Variants in C9orf50 observed in about 807,000 individuals in gnomAD.
C9orf50 encodes uncharacterized protein C9orf50.
C9orf50 carries 33 observed loss-of-function variants against 42.5 expected under a neutral mutation model. The observed-to-expected ratio is 0.78, with a 90% CI of 0.59 to 1.04. C9orf50 has a LOEUF of 1.04. C9orf50 is among the 50% of genes least tolerant of loss of function. The pLI is 0.00. For missense variants in C9orf50, 547 were observed against 594.3 expected (o/e 0.92, Z 0.83); for synonymous variants, 257 against 273.4 (o/e 0.94, Z 0.59).
At chr9:129,612,677 A>G (rs963757672) in intron 6 of C9orf50, among the ~76,000 whole-genome samples, 3 of 152,250 alleles carry the variant, frequency 2.0e-5, no homozygotes, top group Admixed American at 2.0e-4. Flanking sequence ...CAGGAGTTCA[A>G]GACCAGCCTG....
chr9:129,618,623 G>A (rs968916697), intron 3 of C9orf50, among the ~76,000 whole-genome samples: 1 of 146,760 alleles, frequency 6.8e-6, no homozygotes, highest in Non-Finnish European at 1.5e-5. Flanking sequence ...TTTGTAGATG[G>A]TTGGTCATTG....
exon 3 of C9orf50, chr9:129,619,576 A>T: frequency 6.2e-7 from 1 of 1,614,106 alleles, no homozygotes; most frequent in South Asian, 1.1e-5. Context: ...GGGGCCCCAG[A>T]ATAGGTGTCT....
intron 3 of C9orf50, among the ~76,000 whole-genome samples, chr9:129,616,469 G>A (rs575188782): frequency 4.6e-5 from 7 of 152,070 alleles, no homozygotes; most frequent in African/African-American, 2.4e-5. Flanking sequence ...ACCCCCCTTC[G>A]CCTTCCTAAG....
rs1830263153 is a variant in C9orf50, at chr9:129,614,677, G to T, written c.880+807C>A. Among the ~76,000 whole-genome samples the T allele has an allele frequency of 6.6e-6, 1 of 152,174 alleles. No individual in the cohort carries two copies. Among genetic ancestry groups the T allele is most frequent in the African/African-American group, 2.4e-5 (1 of 41,436 alleles). ...CCAGCACTTTGGGAGGCAGAGGCAGGTGGATCCCTGAGGTCAGGAGTTCGA... is the reference window on the plus strand; with the variant it reads ...CCAGCACTTTGGGAGGCAGAGGCAGTTGGATCCCTGAGGTCAGGAGTTCGA... On this transcript the variant is annotated intron_variant, in intron 4 of 6. Coordinates refer to ENST00000372478, the Ensembl canonical transcript of C9orf50. This position sits in a 1 kb window ranked among gnomAD's most constrained non-coding sequence, Gnocchi z 4.4.
chr9:129,612,546 G>A (rs1830142731), intron 6 of C9orf50, 92 bp from the exon 7 acceptor site: 1 of 938,790 alleles, frequency 1.1e-6, no homozygotes, highest in South Asian at 1.4e-5. Flanking sequence ...AGCCCTGTTG[G>A]GCAGGTAGTG....
intron 1 of C9orf50, 81 bp from the exon 2 acceptor site, chr9:129,619,911 C>A: frequency 1.3e-6 from 2 of 1,527,056 alleles, no homozygotes; most frequent in Admixed American, 1.7e-5. Flanking sequence ...TGATGGCAGA[C>A]CAGCCCTCAA....
upstream of C9orf50, among the ~76,000 whole-genome samples, chr9:129,621,288 C>T (rs888888912): frequency 6.6e-6 from 1 of 152,186 alleles, no homozygotes; most frequent in Non-Finnish European, 1.5e-5. Context: ...TGACTTACCC[C>T]CAGCCCCCAT....
In C9orf50 at chr9:129,613,177, T is replaced by C. The variant is rs772371111; in HGVS notation, c.1118A>G (p.Lys373Arg). Residue 373 changes from lysine to arginine, a missense_variant, in exon 6 of 7, where the codon AAG (lysine) becomes AGG (arginine). Coordinates refer to ENST00000372478, the Ensembl canonical transcript of C9orf50. This position sits in a 1 kb window ranked among gnomAD's most constrained non-coding sequence, Gnocchi z 6.2. ...TCGCGGCCTCTGAGCAGCGGCCTTC[T>C]TCCATGAACAGAAGGGCAGGCTGCT... The C allele has an allele frequency of 6.2e-7, 1 of 1,613,716 alleles. No homozygotes were observed. Among genetic ancestry groups the C allele is most frequent in the Admixed American group, 1.7e-5 (1 of 60,012 alleles).
rs1264614922 is a variant in C9orf50, at chr9:129,613,362, G to A, written c.1043+73C>T. On this transcript the variant is annotated intron_variant, in intron 5 of 6. Transcript: ENST00000372478. The surrounding 1 kb of genome is among the most constrained non-coding windows in gnomAD (Gnocchi z 6.2). ...GGCAACCCGCCTGCTGCTGGGTGGG[G>A]AGGTCTGTAGGCAAGGGGGGTGGAG... 8 of 1,583,030 alleles carry A rather than the reference G, an allele frequency of 5.1e-6. No homozygotes were observed. The highest frequency in any genetic ancestry group is 1.3e-5 in the African/African-American group (1 of 74,186).
intron 3 of C9orf50, among the ~76,000 whole-genome samples, chr9:129,618,717 G>T (rs1206526744): frequency 1.3e-5 from 2 of 151,634 alleles, no homozygotes; most frequent in Non-Finnish European, 2.9e-5. Flanking sequence ...ATTTGAGATG[G>T]AGTCTCACTC....
At chr9:129,616,600 C>T (rs1166204230) in intron 3 of C9orf50, among the ~76,000 whole-genome samples, 2 of 152,170 alleles carry the variant, frequency 1.3e-5, no homozygotes, top group East Asian at 3.8e-4. Flanking sequence ...GTCTCCAAGT[C>T]TCCATTCTGC....
In C9orf50 at chr9:129,613,087, G is replaced by A; in HGVS notation, c.1188+20C>T. 3.1e-6 allele frequency: 5 copies of A among 1,613,392 alleles called. No individual in the cohort carries two copies. Among genetic ancestry groups the A allele is most frequent in the Non-Finnish European group, 4.2e-6 (5 of 1,179,982 alleles). On this transcript the variant is annotated intron_variant, in intron 6 of 6. Coordinates refer to ENST00000372478, the Ensembl canonical transcript of C9orf50. This position sits in a 1 kb window ranked among gnomAD's most constrained non-coding sequence, Gnocchi z 6.2. ...GGGGCTCACCAGCTTCTAGGTCCAG[G>A]AGCAAGACCATTTGCCCACCTGCTC...
chr9:129,617,298 G>C (rs1830439868), intron 3 of C9orf50, among the ~76,000 whole-genome samples: 1 of 152,194 alleles, frequency 6.6e-6, no homozygotes, highest in Non-Finnish European at 1.5e-5. Context: ...ACAGTGCCTG[G>C]CTACATGCCT....
At chr9:129,618,038 A>G (rs532735845) in intron 3 of C9orf50, among the ~76,000 whole-genome samples, 1 of 152,250 alleles carries the variant, frequency 6.6e-6, no homozygotes, top group Admixed American at 6.5e-5. Context: ...TACCTAGAGT[A>G]CTGTGTGAGG....
In C9orf50 at chr9:129,620,672, C is replaced by T. The variant is rs905773644; in HGVS notation, c.-98G>A. 3 of 1,144,366 alleles carry T rather than the reference C, an allele frequency of 2.6e-6. No individual in the cohort carries two copies. The highest frequency in any genetic ancestry group is 4.1e-5 in the Admixed American group (1 of 24,276). The allele number at this position is 1,144,366 out of a possible 1,614,324, so 70.9% of individuals were successfully genotyped here. A position where few individuals can be genotyped will look rare whatever the true frequency, so the allele number is the denominator to read the frequency against. ...CATAGTCCAGCCCCAGGCCATAGTG[C>T]CCCGGGCGGGGCAGCGCGGTGCGGG... On this transcript the variant is annotated 5_prime_UTR_variant, in exon 1 of 7. Coordinates refer to ENST00000372478, the Ensembl canonical transcript of C9orf50. This position sits in a 1 kb window ranked among gnomAD's most constrained non-coding sequence, Gnocchi z 5.8.
At chr9:129,612,386 G>A (rs1047724161) in exon 7 of C9orf50, 2 of 1,613,484 alleles carry the variant, frequency 1.2e-6, no homozygotes, top group African/African-American at 1.3e-5. Context: ...AGGCCAGGAG[G>A]AGATGGTACC....
At position 129,613,684 on chromosome 9, in the gene C9orf50, G is replaced by A; in HGVS notation, c.881-87C>T. On this transcript the variant is annotated intron_variant, in intron 4 of 6. Transcript: ENST00000372478. This position sits in a 1 kb window ranked among gnomAD's most constrained non-coding sequence, Gnocchi z 6.2. ...TCTTTTCCTCCCTCTGGCAGGCAGGGCCGGTCAGAGCCCTGTCTCCATGGC... is the reference window on the plus strand; with the variant it reads ...TCTTTTCCTCCCTCTGGCAGGCAGGACCGGTCAGAGCCCTGTCTCCATGGC... The A allele has an allele frequency of 1.3e-6, 2 of 1,527,176 alleles. No homozygotes were observed. Among genetic ancestry groups the A allele is most frequent in the Admixed American group, 3.5e-5 (2 of 56,348 alleles). The allele number at this position is 1,527,176 out of a possible 1,614,324, so 94.6% of individuals were successfully genotyped here.
chr9:129,614,699 T>TC lies in C9orf50; in HGVS notation c.880+784dup, dbSNP rs1830264753. Among the ~76,000 whole-genome samples the TC allele has an allele frequency of 1.3e-5, 2 of 151,854 alleles. No homozygotes were observed. Among genetic ancestry groups the TC allele is most frequent in the Non-Finnish European group, 2.9e-5 (2 of 67,960 alleles). The stretch of plus-strand genomic sequence containing the variant: ...CAGGTGGATCCCTGAGGTCAGGAGT[T>TC]CGAGACCACCCTGGTCAACATGGAG... On this transcript the variant is annotated intron_variant, in intron 4 of 6. Transcript: ENST00000372478. The surrounding 1 kb of genome is among the most constrained non-coding windows in gnomAD (Gnocchi z 4.4).
rs944482514 is a variant in C9orf50 at position 129,614,824 on chromosome 9, C to T, written c.880+660G>A. Among the ~76,000 whole-genome samples the T allele has an allele frequency of 6.6e-6, 1 of 152,180 alleles. No individual in the cohort carries two copies. Among genetic ancestry groups the T allele is most frequent in the African/African-American group, 2.4e-5 (1 of 41,422 alleles). ...GGCTGAGGCAGGAGAATGGCATGAACCCGGGAGGTGGAGCTTGCAGCGAGC... is the reference window on the plus strand; with the variant it reads ...GGCTGAGGCAGGAGAATGGCATGAATCCGGGAGGTGGAGCTTGCAGCGAGC... On this transcript the variant is annotated intron_variant, in intron 4 of 6. Transcript: ENST00000372478. This position sits in a 1 kb window ranked among gnomAD's most constrained non-coding sequence, Gnocchi z 4.4.
Sources: gnomAD v4.1 joint callset for allele counts (sites outside exome capture counted in the v4.1 genomes callset) on GRCh38, gnomAD v4.1.1 for gene constraint, Gnocchi (gnomAD v3.1) non-coding constraint, MANE v1.5 for transcripts, NCBI Gene and HGNC (gene_info 2026-07-23, HGNC 2026-07-21) for gene names.